The following PPP1R12B variants were observed in gnomAD, a reference collection of about 807,000 sequenced individuals.
PPP1R12B encodes the protein myosin phosphatase target subunit 2.
PPP1R12B carries 76 observed loss-of-function variants against 126.1 expected under a neutral mutation model. The ratio of observed to expected loss-of-function variants is 0.60; its 90% confidence interval spans 0.50 to 0.73. PPP1R12B has a LOEUF of 0.73. PPP1R12B is among the 30% of genes least tolerant of loss of function. The pLI is 0.00. For missense variants in PPP1R12B, 1,052 were observed against 1,205.1 expected (o/e 0.87, Z 1.88); for synonymous variants, 356 against 434.7 (o/e 0.82, Z 2.25).
Position 202,580,597 on chromosome 1 carries a change from C to A in PPP1R12B, c.*37C>A. On this transcript the variant is annotated 3_prime_UTR_variant, in exon 24 of 24. Transcript: ENST00000608999. The stretch of plus-strand genomic sequence containing the variant: ...GATTTATGAGGAAAGAAAGGGACAG[C>A]ATTTGCTGCCCCCACCCCTCTTTTC... 1 of 1,528,818 alleles carries A rather than the reference C, an allele frequency of 6.5e-7. No individual in the cohort carries two copies. The highest frequency in any genetic ancestry group is 9.1e-7 in the Non-Finnish European group (1 of 1,102,460). 94.7% of individuals were successfully genotyped at this position (1,528,818 alleles called of 1,614,324 possible). A position where few individuals can be genotyped will look rare whatever the true frequency, so the allele number is the denominator to read the frequency against.
intron 1 of PPP1R12B, among the ~76,000 whole-genome samples, chr1:202,392,369 A>G (rs1664263610): frequency 6.6e-6 from 1 of 152,216 alleles, no homozygotes; most frequent in African/African-American, 2.4e-5. Context: ...GAAGTCAGTC[A>G]CAGAAGTCTA....
chr1:202,356,794 A>C (rs1460763500), intron 1 of PPP1R12B, among the ~76,000 whole-genome samples: 1 of 151,136 alleles, frequency 6.6e-6, no homozygotes, highest in Non-Finnish European at 1.5e-5. Context: ...CAATTTGACA[A>C]CTCAGCCCAA....
intron 1 of PPP1R12B, among the ~76,000 whole-genome samples, chr1:202,386,026 CGG>C (rs908918562): frequency 1.1e-4 from 17 of 150,604 alleles, no homozygotes; most frequent in African/African-American, 4.1e-4. Flanking sequence ...CTCCACCTCC[CGG>C]GTTCACACCA....
chr1:202,349,132 C>G lies in PPP1R12B; in HGVS notation c.281C>G (p.Ala94Gly). The G allele has an allele frequency of 6.2e-7, 1 of 1,613,908 alleles. No individual in the cohort carries two copies. The change falls in exon 1 of 24, where the codon GCC (alanine) becomes GGC (glycine). Residue 94 changes from alanine to glycine, a missense_variant. By Grantham distance (60) the Ala-to-Gly change is moderately conservative (BLOSUM62 0). Coordinates refer to ENST00000608999, the MANE Select transcript of PPP1R12B (RefSeq NM_002481.4). Reference sequence around the variant, plus strand: ...ACGGTCAACGTGGACGGCTTGACAGCCCTGCACCAGGTAACTCCTTTCTTG... The same window carrying G: ...ACGGTCAACGTGGACGGCTTGACAGGCCTGCACCAGGTAACTCCTTTCTTG... ...INTVNVDGLT[A>G]LHQACIDENL...
intron 18 of PPP1R12B, among the ~76,000 whole-genome samples, chr1:202,520,466 G>T (rs1415788111): frequency 6.6e-6 from 1 of 152,198 alleles, no homozygotes; most frequent in East Asian, 1.9e-4. Flanking sequence ...GGGAAGCAGT[G>T]GTGGAGTTTG....
chr1:202,358,578 A>G (rs1657553076), intron 1 of PPP1R12B, among the ~76,000 whole-genome samples: 2 of 152,072 alleles, frequency 1.3e-5, no homozygotes, highest in Admixed American at 6.6e-5. Context: ...GCTACTCGGG[A>G]GACTGAGGCA....
In PPP1R12B at chr1:202,581,989, T is replaced by C. The variant is rs1689574189; in HGVS notation, c.*1429T>C. 6.6e-6 allele frequency: 1 copy of C among 152,210 alleles called. No individual in the cohort carries two copies. Among genetic ancestry groups the C allele is most frequent in the Non-Finnish European group, 1.5e-5 (1 of 68,024 alleles). 9.4% of individuals were successfully genotyped at this position (152,210 alleles called of 1,614,324 possible). ...CTACCACAGCTTTCACCCATGGGCA[T>C]GGTCAGGTAGCCTCTGGTGGCTATG... On this transcript the variant is annotated 3_prime_UTR_variant, in exon 24 of 24. Transcript: ENST00000608999.
chr1:202,532,883 T>G (rs1173812975), intron 18 of PPP1R12B, among the ~76,000 whole-genome samples: 95 of 148,080 alleles, frequency 6.4e-4, no homozygotes, highest in African/African-American at 2.2e-3. Flanking sequence ...TTTTTTTTTT[T>G]TTTGAGCTGG....
At chr1:202,482,184 G>A (rs1253395162) in intron 13 of PPP1R12B, among the ~76,000 whole-genome samples, 2 of 152,010 alleles carry the variant, frequency 1.3e-5, no homozygotes, top group African/African-American at 4.8e-5. Flanking sequence ...CGTAAATAGT[G>A]CTGCCATAAA....
At chr1:202,393,778 G>C (rs1173468445) in intron 1 of PPP1R12B, among the ~76,000 whole-genome samples, 1 of 152,172 alleles carries the variant, frequency 6.6e-6, no homozygotes, top group Non-Finnish European at 1.5e-5. Context: ...AGTAGACCCA[G>C]GTCTGGGCAT....
chr1:202,569,028 C>A, intron 22 of PPP1R12B, 119 bp from the exon 23 acceptor site: 1 of 1,071,296 alleles, frequency 9.3e-7, no homozygotes, highest in Non-Finnish European at 1.4e-6. Context: ...GTAAGGTTTG[C>A]CTGAGTCAGC....
rs1689710675 is a variant in PPP1R12B at position 202,584,559 on chromosome 1, T to G, written c.*3999T>G. ...TAGGTGTCTGGATTTTTGGCCTGTT[T>G]GCAGCCTCTCCTAGCCACAGACAGA... On this transcript the variant is annotated 3_prime_UTR_variant, in exon 24 of 24. Coordinates refer to ENST00000608999, the MANE Select transcript of PPP1R12B (RefSeq NM_002481.4). 1 of 152,252 alleles carries G rather than the reference T, an allele frequency of 6.6e-6. No individual in the cohort carries two copies. The highest frequency in any genetic ancestry group is 2.4e-5 in the African/African-American group (1 of 41,456). 9.4% of individuals were successfully genotyped at this position (152,252 alleles called of 1,614,324 possible). A position where few individuals can be genotyped will look rare whatever the true frequency, so the allele number is the denominator to read the frequency against.
intron 12 of PPP1R12B, among the ~76,000 whole-genome samples, chr1:202,447,464 C>G (rs1462185840): frequency 1.3e-5 from 2 of 152,122 alleles, no homozygotes; most frequent in Non-Finnish European, 2.9e-5. Context: ...TAGAAGAACC[C>G]TGTATTTTAA....
At chr1:202,453,367 G>A (rs975115614) in intron 13 of PPP1R12B, among the ~76,000 whole-genome samples, 1 of 152,182 alleles carries the variant, frequency 6.6e-6, no homozygotes, top group African/African-American at 2.4e-5. Context: ...TTAATGTGTT[G>A]TTGAACTTGG....
At chr1:202,388,805 T>A (rs939654754) in intron 1 of PPP1R12B, among the ~76,000 whole-genome samples, 3 of 152,178 alleles carry the variant, frequency 2.0e-5, no homozygotes, top group African/African-American at 7.2e-5. Context: ...ATCCTGAATT[T>A]CATCTGAAAG....
intron 13 of PPP1R12B, chr1:202,474,040 A>G: frequency 2.0e-6 from 1 of 493,296 alleles, no homozygotes; most frequent in Non-Finnish European, 4.2e-6. Context: ...GAGACAGCAG[A>G]GTATAAATGC....
In PPP1R12B at chr1:202,575,644, A is replaced by G. The variant is rs140787094; in HGVS notation, c.2863-4830A>G. On this transcript the variant is annotated intron_variant, in intron 23 of 23. Transcript: ENST00000608999. ...TCAATCTTGGCTGCAAGAAACATCT[A>G]GGAGCTTTTAACGTATACCTATGGG... 431 of 152,936 alleles carry G rather than the reference A, an allele frequency of 2.8e-3. 1 individual carries two copies. The highest frequency in any genetic ancestry group is 6.2e-3 in the Admixed American group (96 of 15,386). 9.5% of individuals were successfully genotyped at this position (152,936 alleles called of 1,614,324 possible). A position where few individuals can be genotyped will look rare whatever the true frequency, so the allele number is the denominator to read the frequency against.
At position 202,512,409 on chromosome 1, in the gene PPP1R12B, A is replaced by G. The variant is rs144522393; in HGVS notation, c.2490+15587A>G. Among the ~76,000 whole-genome samples, 702 of 152,312 alleles carry G rather than the reference A, an allele frequency of 4.6e-3. 6 individuals carry two copies. Among genetic ancestry groups the G allele is most frequent in the African/African-American group, 0.016 (675 of 41,546 alleles). The stretch of plus-strand genomic sequence containing the variant: ...TTTGATGTTTTACTAGATGTGGATG[A>G]TAAAAGCATAAAGAGCAGTCCCAAG... On this transcript the variant is annotated intron_variant, in intron 18 of 23. Transcript: ENST00000608999.
At chr1:202,493,502 A>AT (rs1282128532) in intron 15 of PPP1R12B, among the ~76,000 whole-genome samples, 185 bp downstream of exon 15, 3 of 152,070 alleles carry the variant, frequency 2.0e-5, no homozygotes, top group East Asian at 1.9e-4. Flanking sequence ...TTAAATGACC[A>AT]TTTTTTTCTT....
Sources: allele counts gnomAD v4.1 joint callset (sites outside exome capture counted in the v4.1 genomes callset), GRCh38; gene constraint gnomAD v4.1.1; transcripts MANE v1.5; gene names NCBI Gene and HGNC (gene_info 2026-07-23, HGNC 2026-07-21).